PGBD5: variants seen among roughly 807,000 people sequenced by gnomAD.
The protein encoded by PGBD5 is piggyBac transposable element-derived protein 5.
In PGBD5, 14 loss-of-function variants were observed where a neutral mutation model predicts 47.9. The ratio of observed to expected loss-of-function variants is 0.29; its 90% CI spans 0.19 to 0.46. The LOEUF is 0.46. Among genes scored for constraint, PGBD5 ranks in the 20% least tolerant of loss-of-function variants. The probability of loss-of-function intolerance (pLI) is 1.00; values close to 1 mark genes in which losing one functional copy is unlikely to be tolerated. For missense variants in PGBD5, 635 were observed against 716.0 expected, an observed-to-expected ratio of 0.89 and a Z score of 1.29; for synonymous variants, 316 against 306.3, an observed-to-expected ratio of 1.03 and a Z score of -0.33.
At chr1:230,365,391 G>C (rs1226579632) in intron 1 of PGBD5, among the ~76,000 whole-genome samples, 1 of 152,012 alleles carries the variant, frequency 6.6e-6, no homozygotes, top group Non-Finnish European at 1.5e-5. Context: ...CATGACAAAG[G>C]GCTGGTGGAC....
intron 3 of PGBD5, among the ~76,000 whole-genome samples, chr1:230,347,129 T>C (rs1667485992): frequency 6.6e-6 from 1 of 152,104 alleles, no homozygotes; most frequent in African/African-American, 2.4e-5. Flanking sequence ...GACTCCCAGG[T>C]GGTCAACAGC....
At chr1:230,378,158 G>A (rs1668044261) in intron 1 of PGBD5, among the ~76,000 whole-genome samples, 5 of 152,180 alleles carry the variant, frequency 3.3e-5, no homozygotes, top group Admixed American at 3.3e-4. Context: ...GTGGTGATGA[G>A]GATTTTAAGC....
At position 230,323,661 on chromosome 1, in the gene PGBD5, A is replaced by G. The variant is rs765523187; in HGVS notation, c.1380-41T>C. 1.9e-6 allele frequency: 3 copies of G among 1,570,290 alleles called. No homozygotes were observed. The African/African-American group carries it at 4.2e-5, about 22-fold the overall frequency. On this transcript the variant is annotated intron_variant, in intron 6 of 6. Transcript: ENST00000391860. The surrounding 1 kb of genome is among the most constrained non-coding windows in gnomAD (Gnocchi z 4.1). Reference sequence around the variant, plus strand: ...ATAAGAACGGCTGACCCGATGGTTCATGGCACCCGGAGATGCATCCCAAAG... The same window carrying G: ...ATAAGAACGGCTGACCCGATGGTTCGTGGCACCCGGAGATGCATCCCAAAG...
intron 1 of PGBD5, among the ~76,000 whole-genome samples, chr1:230,368,798 T>G (rs112722156): frequency 6.6e-6 from 1 of 151,976 alleles, no homozygotes; most frequent in Non-Finnish European, 1.5e-5. Context: ...GAAACGTGTG[T>G]GTATGTGAGT....
chr1:230,362,113 G>A (rs943210491), intron 1 of PGBD5, among the ~76,000 whole-genome samples: 5 of 152,258 alleles, frequency 3.3e-5, no homozygotes, highest in Admixed American at 2.0e-4. Flanking sequence ...GCCCAAGGGC[G>A]CGGGAAGCCA....
At chr1:230,327,073 G>A (rs1414828397) in intron 5 of PGBD5, among the ~76,000 whole-genome samples, 1 of 152,164 alleles carries the variant, frequency 6.6e-6, no homozygotes, top group Non-Finnish European at 1.5e-5. Context: ...GCCACCCACC[G>A]CAGACAACAC....
chr1:230,420,919 C>A (rs187332254), intron 1 of PGBD5, among the ~76,000 whole-genome samples: 1 of 152,270 alleles, frequency 6.6e-6, no homozygotes, highest in Admixed American at 6.5e-5. Flanking sequence ...GTGGAATGCA[C>A]CTTCAGTCCC....
chr1:230,368,011 G>A (rs759278177), intron 1 of PGBD5: 7 of 1,367,838 alleles, frequency 5.1e-6, no homozygotes, highest in East Asian at 4.6e-5. Context: ...TCTTCCCCAC[G>A]CCACACCACA....
intron 1 of PGBD5, among the ~76,000 whole-genome samples, chr1:230,368,355 C>A (rs1667875416): frequency 6.6e-6 from 1 of 152,254 alleles, no homozygotes; most frequent in African/African-American, 2.4e-5. Context: ...AGGAGTCTGA[C>A]TGCTAAAGTG....
chr1:230,391,788 A>G (rs863789), intron 1 of PGBD5, among the ~76,000 whole-genome samples: 107,290 of 152,090 alleles, frequency 0.71, 38,400 homozygotes, highest in Non-Finnish European at 0.74. Flanking sequence ...AATAGCAGAG[A>G]CTTTATAATT....
chr1:230,417,573 A>T (rs1657546383), intron 1 of PGBD5, among the ~76,000 whole-genome samples: 1 of 152,194 alleles, frequency 6.6e-6, no homozygotes, highest in African/African-American at 2.4e-5. Context: ...CCTTTGCTCA[A>T]ATGGCTCTCT....
intron 1 of PGBD5, among the ~76,000 whole-genome samples, chr1:230,413,894 G>A (rs1571865184): frequency 6.6e-6 from 1 of 152,206 alleles, no homozygotes. Flanking sequence ...TGCAGAGTAG[G>A]CACTCTATAA....
intron 1 of PGBD5, among the ~76,000 whole-genome samples, chr1:230,389,569 G>A (rs1656737765): frequency 6.6e-6 from 1 of 152,190 alleles, no homozygotes; most frequent in African/African-American, 2.4e-5. Context: ...CCCTGGACTT[G>A]TAGGATCTCG....
chr1:230,408,745 G>T (rs940690138), intron 1 of PGBD5, among the ~76,000 whole-genome samples: 1 of 152,064 alleles, frequency 6.6e-6, no homozygotes, highest in African/African-American at 2.4e-5. Flanking sequence ...AGCATAAAAT[G>T]ATCAAGCTCT....
intron 1 of PGBD5, among the ~76,000 whole-genome samples, chr1:230,397,476 C>T (rs1657014958): frequency 6.6e-6 from 1 of 152,174 alleles, no homozygotes; most frequent in African/African-American, 2.4e-5. Context: ...GTTTTTGACA[C>T]ATAAAGTGAC....
At position 230,357,077 on chromosome 1, in the gene PGBD5, G is replaced by A. The variant is rs538035448; in HGVS notation, c.576C>T (p.Gly192=). ...GGGCGAGGCTGCGGTTGCTGTAGAA[G>A]CCTCCGCTCCAGATGCTGAGGACGG... ...CESVLSIWSG[G]FYSNRSLALV... Residue 192 remains glycine (G), a synonymous_variant, in exon 2 of 7, where the codon GGC becomes GGT. Coordinates refer to ENST00000391860, the MANE Select transcript of PGBD5 (RefSeq NM_001258311.2). The surrounding 1 kb of genome is among the most constrained non-coding windows in gnomAD (Gnocchi z 5.7). 384 of 1,614,202 alleles carry A rather than the reference G, an allele frequency of 2.4e-4. 3 individuals carry two copies. In the South Asian group the frequency reaches 4.1e-3, roughly 17 times the overall value.
intron 1 of PGBD5, among the ~76,000 whole-genome samples, chr1:230,358,676 C>T (rs1667697032): frequency 6.6e-6 from 1 of 151,988 alleles, no homozygotes; most frequent in African/African-American, 2.4e-5. Flanking sequence ...TTTTCCTGTA[C>T]CTTTTCTATG....
chr1:230,350,582 C>T (rs1365783850), intron 3 of PGBD5, among the ~76,000 whole-genome samples: 1 of 152,188 alleles, frequency 6.6e-6, no homozygotes, highest in East Asian at 1.9e-4. Flanking sequence ...GCCACAAGTC[C>T]AAAAGTCTTG....
chr1:230,344,579 AGG>A (rs889635754), intron 3 of PGBD5, among the ~76,000 whole-genome samples: 8 of 152,324 alleles, frequency 5.3e-5, no homozygotes, highest in Admixed American at 5.2e-4. Flanking sequence ...GATGAGACTG[AGG>A]GAGGGAAGGG....
Sources: gnomAD v4.1 joint callset for allele counts (sites outside exome capture counted in the v4.1 genomes callset) on GRCh38, gnomAD v4.1.1 for gene constraint, Gnocchi (gnomAD v3.1) non-coding constraint, MANE v1.5 for transcripts, NCBI Gene and HGNC (gene_info 2026-07-23, HGNC 2026-07-21) for gene names.